The following GCLC variants were observed in gnomAD, a reference collection of about 807,000 sequenced individuals.
GCLC encodes the protein glutamate--cysteine ligase catalytic subunit.
GCLC carries 30 observed loss-of-function variants against 81.5 expected under a neutral mutation model. That is an observed-to-expected ratio of 0.37 (90% CI 0.28 to 0.50). The LOEUF (loss-of-function observed/expected upper bound fraction) is 0.50. Ranked by LOEUF, GCLC falls within the 20% of genes least tolerant of loss-of-function variation. The probability of loss-of-function intolerance (pLI) is 0.96; values close to 1 mark genes in which losing one functional copy is unlikely to be tolerated. For synonymous variants in GCLC, 262 were observed against 273.3 expected, an observed-to-expected ratio of 0.96 and a Z score of 0.41; for missense variants, 556 against 777.4, an observed-to-expected ratio of 0.72 and a Z score of 3.39.
intron 4 of GCLC, among the ~76,000 whole-genome samples, chr6:53,514,840 A>G (rs569966170): frequency 1.3e-5 from 2 of 152,286 alleles, no homozygotes; most frequent in African/African-American, 2.4e-5. Flanking sequence ...AATTAACTCC[A>G]AAGACTTTGG....
At position 53,505,821 on chromosome 6, in the gene GCLC, T is replaced by A. The variant is rs748878500; in HGVS notation, c.1272A>T (p.Val424=). 13 of 1,605,780 alleles carry A rather than the reference T, an allele frequency of 8.1e-6. No homozygotes were observed. Among genetic ancestry groups the A allele is most frequent in the Non-Finnish European group, 1.1e-5 (13 of 1,172,434 alleles). ...GTCTTACCTCCATGGGTCGAAATTC[T>A]ACTCTCCATCCAATGTCTGAGTTTG... ...PPPNSDIGWR[V]EFRPMEVQLT... is the part of the protein sequence containing the mutation. The change falls in exon 11 of 16, where the codon GTA becomes GTT. Residue 424 remains valine (V), a synonymous_variant. Transcript: ENST00000650454.
At position 53,544,526 on chromosome 6, in the gene GCLC, C is replaced by T. The variant is rs1016777353; in HGVS notation, c.120G>A (p.Arg40=). ...FLHIYHAVKD[R]HKDVLKWGDE... is the part of the protein sequence containing the mutation. Reference sequence around the variant, plus strand: ...CGCCCCACTTGAGAACGTCCTTGTGCCGGTCCTTGACGGCGTGGTAGATGT... The same window carrying T: ...CGCCCCACTTGAGAACGTCCTTGTGTCGGTCCTTGACGGCGTGGTAGATGT... The change falls in exon 1 of 16, where the codon CGG becomes CGA. Residue 40 remains arginine (R), a synonymous_variant. Coordinates refer to ENST00000650454, the MANE Select transcript of GCLC (RefSeq NM_001498.4). 1.2e-6 allele frequency: 2 copies of T among 1,608,962 alleles called. No individual in the cohort carries two copies. The highest frequency in any genetic ancestry group is 1.7e-6 in the Non-Finnish European group (2 of 1,179,642).
chr6:53,511,737 G>C (rs1764747917), intron 6 of GCLC, among the ~76,000 whole-genome samples: 1 of 146,710 alleles, frequency 6.8e-6, no homozygotes, highest in South Asian at 2.3e-4. Flanking sequence ...TGGGCTTCTA[G>C]TGTCGTTTTG....
chr6:53,531,071 G>A (rs1388732419), intron 1 of GCLC, among the ~76,000 whole-genome samples: 5 of 152,190 alleles, frequency 3.3e-5, no homozygotes, highest in Admixed American at 6.5e-5. Flanking sequence ...TCACAGGGCT[G>A]CTGGGGAGGA....
In GCLC at chr6:53,506,797, G is replaced by C; in HGVS notation, c.1197+116C>G. 1 of 705,724 alleles carries C rather than the reference G, an allele frequency of 1.4e-6. No homozygotes were observed. Among genetic ancestry groups the C allele is most frequent in the Non-Finnish European group, 2.6e-6 (1 of 383,294 alleles). The allele number at this position is 705,724 out of a possible 1,614,324, so 43.7% of individuals were successfully genotyped here. On this transcript the variant is annotated intron_variant, in intron 10 of 15. Coordinates refer to ENST00000650454, the MANE Select transcript of GCLC (RefSeq NM_001498.4). The surrounding 1 kb of genome is among the most constrained non-coding windows in gnomAD (Gnocchi z 4.0). The stretch of plus-strand genomic sequence containing the variant: ...TGAAATTTCTTTTGTGTTCTCCACA[G>C]GTACAGAAAACTGCCTCCCCATGTT...
rs570470739 is a variant in GCLC at position 53,508,472 on chromosome 6, C to T, written c.945+123G>A. On this transcript the variant is annotated intron_variant, in intron 8 of 15. Coordinates refer to ENST00000650454, the MANE Select transcript of GCLC (RefSeq NM_001498.4). ...GATAAAAATTAACTCCCCACCTAGA[C>T]CAAATCTTTTTCCCCATTTCAGATA... The T allele has an allele frequency of 1.2e-3, 884 of 768,412 alleles. 2 individuals are homozygous for T. The highest frequency in any genetic ancestry group is 1.6e-3 in the Middle Eastern group (7 of 4,398). 47.6% of individuals were successfully genotyped at this position (768,412 alleles called of 1,614,324 possible).
intron 1 of GCLC, among the ~76,000 whole-genome samples, chr6:53,534,838 T>C (rs767165734): frequency 1.3e-5 from 2 of 152,212 alleles, no homozygotes; most frequent in Admixed American, 6.5e-5. Flanking sequence ...AGTGGAGAGA[T>C]ATTCATATAC....
chr6:53,537,604 A>G (rs1040895412), intron 1 of GCLC, among the ~76,000 whole-genome samples: 1 of 150,400 alleles, frequency 6.6e-6, no homozygotes, highest in Non-Finnish European at 1.5e-5. Context: ...AGCAAGAAAG[A>G]CCCTGTCTCA....
At chr6:53,509,066 T>C (rs1764681962) in intron 7 of GCLC, 110 bp downstream of exon 7, 2 of 732,638 alleles carry the variant, frequency 2.7e-6, no homozygotes, top group Admixed American at 3.9e-5. Context: ...TTAGTCCATC[T>C]CTGACTGAGG....
At position 53,507,019 on chromosome 6, in the gene GCLC, T is replaced by A. The variant is rs151321990; in HGVS notation, c.1091A>T (p.Asp364Val). Reference protein sequence around the residue: ...IYEQLLQEGIDHLLAQHVAHL... With the variant: ...IYEQLLQEGIVHLLAQHVAHL... ...AGCAACATGCTGGGCCAGGAGATGA[T>A]CAATGCCTGCAAAAAGAGATCACAT... The change falls in exon 10 of 16, where the codon GAT (aspartate) becomes GTT (valine). Residue 364 changes from aspartate to valine, a missense_variant. By Grantham distance (152) the Asp-to-Val change is radical (BLOSUM62 -3). Coordinates refer to ENST00000650454, the MANE Select transcript of GCLC (RefSeq NM_001498.4). 6.3e-7 allele frequency: 1 copy of A among 1,575,878 alleles called. No individual in the cohort carries two copies. The highest frequency in any genetic ancestry group is 8.7e-7 in the Non-Finnish European group (1 of 1,145,164).
rs1764400108 is a variant in GCLC at position 53,497,752 on chromosome 6, G to C, written c.*1004C>G. 1 of 152,584 alleles carries C rather than the reference G, an allele frequency of 6.6e-6. No individual in the cohort carries two copies. The highest frequency in any genetic ancestry group is 2.1e-4 in the South Asian group (1 of 4,836). The allele number at this position is 152,584 out of a possible 1,614,324, so 9.5% of individuals were successfully genotyped here. On this transcript the variant is annotated 3_prime_UTR_variant, in exon 16 of 16. Coordinates refer to ENST00000650454, the MANE Select transcript of GCLC (RefSeq NM_001498.4). ...ATTTACAAAACTCAGTGCCTTTCAT[G>C]ATTTATTGATGAGTTTTATAGAGAA...
rs1764624483 is a variant in GCLC, at chr6:53,506,826, T to A, written c.1197+87A>T. On this transcript the variant is annotated intron_variant, in intron 10 of 15. Coordinates refer to ENST00000650454, the MANE Select transcript of GCLC (RefSeq NM_001498.4). The surrounding 1 kb of genome is among the most constrained non-coding windows in gnomAD (Gnocchi z 4.0). ...CAGAAAACTGCCTCCCCATGTTGGTTTGTGAAGTGAAATGCATATAAAACA... is the reference window on the plus strand; with the variant it reads ...CAGAAAACTGCCTCCCCATGTTGGTATGTGAAGTGAAATGCATATAAAACA... 2.6e-6 allele frequency: 2 copies of A among 761,822 alleles called. No homozygotes were observed. The highest frequency in any genetic ancestry group is 4.7e-6 in the Non-Finnish European group (2 of 426,692). The allele number at this position is 761,822 out of a possible 1,614,324, so 47.2% of individuals were successfully genotyped here.
chr6:53,534,144 C>A (rs557353332), intron 1 of GCLC, among the ~76,000 whole-genome samples: 1 of 152,260 alleles, frequency 6.6e-6, no homozygotes, highest in East Asian at 1.9e-4. Flanking sequence ...CCCAGGTCTT[C>A]GACTCTGATC....
rs372128883 is a variant in GCLC at position 53,507,570 on chromosome 6, T to C, written c.994A>G (p.Ile332Val). Residue 332 changes from isoleucine (I) to valine (V), a missense_variant, in exon 9 of 16, where the codon ATA (isoleucine) becomes GTA (valine). Transcript: ENST00000650454. ...YRISKSRYDS[I>V]DSYLSKCGEK... Reference sequence around the variant, plus strand: ...CCACACTTAGATAAATAGCTGTCTATTGAGTCATATCGGGATTTACTGATC... The same window carrying C: ...CCACACTTAGATAAATAGCTGTCTACTGAGTCATATCGGGATTTACTGATC... 17 of 1,581,490 alleles carry C rather than the reference T, an allele frequency of 1.1e-5. No individual in the cohort carries two copies. The highest frequency in any genetic ancestry group is 4.5e-5 in the East Asian group (2 of 44,702).
chr6:53,517,486 G>A (rs1762896994), intron 3 of GCLC, among the ~76,000 whole-genome samples: 1 of 151,956 alleles, frequency 6.6e-6, no homozygotes, highest in South Asian at 2.1e-4. Context: ...ACAATTGAAG[G>A]TAGTGATCTT....
intron 3 of GCLC, among the ~76,000 whole-genome samples, chr6:53,518,552 C>T (rs75717176): frequency 0.021 from 3,251 of 152,198 alleles, 92 homozygotes; most frequent in African/African-American, 0.064. Context: ...TGCCCAGACA[C>T]TAAATCTTTT....
rs543422196 is a variant in GCLC, at chr6:53,506,289, C to T, written c.1198-394G>A. 1.3e-5 allele frequency: 4 copies of T among 299,182 alleles called. No individual in the cohort carries two copies. Among genetic ancestry groups the T allele is most frequent in the Non-Finnish European group, 2.6e-5 (4 of 155,838 alleles). The allele number at this position is 299,182 out of a possible 1,614,324, so 18.5% of individuals were successfully genotyped here. On this transcript the variant is annotated intron_variant, in intron 10 of 15. Transcript: ENST00000650454. This position sits in a 1 kb window ranked among gnomAD's most constrained non-coding sequence, Gnocchi z 4.0. Reference sequence around the variant, plus strand: ...TCACATGACAGTTGTTTCCTTTCTTCCTCCTCTCCTGGGAATGCTGCTGCT... The same window carrying T: ...TCACATGACAGTTGTTTCCTTTCTTTCTCCTCTCCTGGGAATGCTGCTGCT...
At chr6:53,526,248 T>C (rs1268623131) in intron 1 of GCLC, among the ~76,000 whole-genome samples, 1 of 152,206 alleles carries the variant, frequency 6.6e-6, no homozygotes, top group Non-Finnish European at 1.5e-5. Context: ...GGTGAGGTAC[T>C]TTTATGTTAA....
intron 1 of GCLC, among the ~76,000 whole-genome samples, chr6:53,541,329 A>C (rs1361713432): frequency 1.3e-5 from 2 of 152,186 alleles, no homozygotes; most frequent in African/African-American, 4.8e-5. Flanking sequence ...GGTTTCACTG[A>C]AGTGCCATGG....
Sources: allele counts gnomAD v4.1 joint callset (sites outside exome capture counted in the v4.1 genomes callset), GRCh38; gene constraint gnomAD v4.1.1; non-coding constraint Gnocchi (gnomAD v3.1); transcripts MANE v1.5; gene names NCBI Gene and HGNC (gene_info 2026-07-23, HGNC 2026-07-21).